ACIN1: variants seen among roughly 807,000 people sequenced by gnomAD.
ACIN1 encodes apoptotic chromatin condensation inducer 1.
Under a neutral mutation model 146.6 loss-of-function variants are expected in ACIN1, and 16 were observed. The ratio of observed to expected loss-of-function variants is 0.11; its 90% CI spans 0.07 to 0.17. ACIN1 has a LOEUF of 0.17. Among genes scored for constraint, ACIN1 ranks in the 10% least tolerant of loss-of-function variants. ACIN1 has a pLI of 1.00. For missense variants in ACIN1, 1,357 were observed against 1,609.3 expected (o/e 0.84, Z 2.68); for synonymous variants, 569 against 582.7 (o/e 0.98, Z 0.34).
intron 16 of ACIN1, among the ~76,000 whole-genome samples, chr14:23,061,955 C>CAG (rs1351155572): frequency 8.5e-6 from 1 of 118,138 alleles, no homozygotes; most frequent in Non-Finnish European, 1.6e-5. Context: ...GCCTGGGAGA[C>CAG]AGCGAGACTC....
At chr14:23,090,235 G>GA (rs1182884241) in intron 3 of ACIN1, 134 bp from the exon 4 acceptor site, 2 of 1,239,376 alleles carry the variant, frequency 1.6e-6, no homozygotes, top group African/African-American at 3.0e-5. Context: ...CGTATAAAAA[G>GA]AAAAAACTCC....
chr14:23,074,913 C>T (rs747613999), intron 8 of ACIN1, among the ~76,000 whole-genome samples: 10 of 152,156 alleles, frequency 6.6e-5, no homozygotes, highest in Middle Eastern at 3.4e-3. Flanking sequence ...GAAAAACTGA[C>T]GTGAAAATTT....
At chr14:23,083,525 G>A (rs1269035412) in intron 4 of ACIN1, among the ~76,000 whole-genome samples, 5 of 152,196 alleles carry the variant, frequency 3.3e-5, no homozygotes, top group African/African-American at 1.2e-4. Context: ...GACGTCAGGA[G>A]ATCGAGACCA....
rs748469639 is a variant in ACIN1, at chr14:23,078,252, C to T, written c.2022G>A (p.Lys674=). 6 of 1,614,012 alleles carry T rather than the reference C, an allele frequency of 3.7e-6. No homozygotes were observed. In the East Asian group the frequency reaches 1.3e-4, roughly 36 times the overall value. The part of the protein sequence containing the change: ...RLQPERGSPK[K]CEAEEAEPPA... ...GTGGCTCTGCCTCTTCAGCTTCACA[C>T]TTCTTTGGGCTCCCCTGTCAGGAGA... The change falls in exon 8 of 19, where the codon AAG becomes AAA. Residue 674 remains lysine, a synonymous_variant. Transcript: ENST00000605057.
Position 23,090,476 on chromosome 14 carries a change from G to A in ACIN1, c.316+46C>T, listed in dbSNP as rs773960284. On this transcript the variant is annotated intron_variant, in intron 3 of 18. Coordinates refer to ENST00000605057, the MANE Select transcript of ACIN1 (RefSeq NM_001386863.1). Reference sequence around the variant, plus strand: ...ACAGGCCTATCTACTTGGTGACAGGGATAAGAATGACGAACTCCTTGTTAA... The same window carrying A: ...ACAGGCCTATCTACTTGGTGACAGGAATAAGAATGACGAACTCCTTGTTAA... 3.1e-5 allele frequency: 48 copies of A among 1,535,664 alleles called. No individual in the cohort carries two copies. In the Admixed American group the frequency reaches 6.6e-4, roughly 21 times the overall value.
rs1416554023 is a variant in ACIN1 at position 23,080,016 on chromosome 14, T to A, written c.1319A>T (p.Glu440Val). Reference protein sequence around the residue: ...AESPAEKVPEESVLPLVQKST... With the variant: ...AESPAEKVPEVSVLPLVQKST... ...TTTCTGAACCAGAGGCAGGACACTCTCCTCTGGCACTTTCTCTGCTGGAGA... is the reference window on the plus strand; with the variant it reads ...TTTCTGAACCAGAGGCAGGACACTCACCTCTGGCACTTTCTCTGCTGGAGA... The change falls in exon 6 of 19, where the codon GAG (glutamate) becomes GTG (valine). Residue 440 changes from glutamate (E) to valine (V), a missense_variant. Coordinates refer to ENST00000605057, the MANE Select transcript of ACIN1 (RefSeq NM_001386863.1). 1 of 1,613,976 alleles carries A rather than the reference T, an allele frequency of 6.2e-7. No homozygotes were observed. The highest frequency in any genetic ancestry group is 8.5e-7 in the Non-Finnish European group (1 of 1,180,038).
rs971838886 is a variant in ACIN1, at chr14:23,068,916, A to T, written c.2265+560T>A. On this transcript the variant is annotated intron_variant, in intron 9 of 18. Coordinates refer to ENST00000605057, the MANE Select transcript of ACIN1 (RefSeq NM_001386863.1). This position sits in a 1 kb window ranked among gnomAD's most constrained non-coding sequence, Gnocchi z 4.3. ...CTGAAGTGGGTGCAGGACACAAGATAACATATGCCAAAAAAGGAGGTAGAG... is the reference window on the plus strand; with the variant it reads ...CTGAAGTGGGTGCAGGACACAAGATTACATATGCCAAAAAAGGAGGTAGAG... 1 of 985,362 alleles carries T rather than the reference A, an allele frequency of 1.0e-6. No individual in the cohort carries two copies. The highest frequency in any genetic ancestry group is 1.7e-5 in the African/African-American group (1 of 57,228). The allele number at this position is 985,362 out of a possible 1,614,324, so 61.0% of individuals were successfully genotyped here. A position where few individuals can be genotyped will look rare whatever the true frequency, so the allele number is the denominator to read the frequency against.
At position 23,067,223 on chromosome 14, in the gene ACIN1, AAAAAT is replaced by A. The variant is rs939156046; in HGVS notation, c.2266-1220_2266-1216del. 2.3e-5 allele frequency: 19 copies of A among 827,920 alleles called. No homozygotes were observed. Among genetic ancestry groups the A allele is most frequent in the Admixed American group, 1.2e-4 (2 of 16,106 alleles). 51.3% of individuals were successfully genotyped at this position (827,920 alleles called of 1,614,324 possible). ...AATCAGAAAAAATAAAGATATAGAA[AAAAAT>A]AAAATAAAATATTAAAAAAAGAAGA... On this transcript the variant is annotated intron_variant, in intron 9 of 18. Coordinates refer to ENST00000605057, the MANE Select transcript of ACIN1 (RefSeq NM_001386863.1). The surrounding 1 kb of genome is among the most constrained non-coding windows in gnomAD (Gnocchi z 4.6).
intron 5 of ACIN1, among the ~76,000 whole-genome samples, chr14:23,081,022 T>C (rs1420413229): frequency 1.3e-5 from 2 of 151,290 alleles, no homozygotes; most frequent in Non-Finnish European, 2.9e-5. Flanking sequence ...ATGAAGCTAC[T>C]TGTATGTAGT....
At chr14:23,064,959 C>T (rs2047405987) in intron 10 of ACIN1, among the ~76,000 whole-genome samples, 1 of 149,620 alleles carries the variant, frequency 6.7e-6, no homozygotes, top group Non-Finnish European at 1.5e-5. Flanking sequence ...TCAGACTGAA[C>T]ACTGATCTAA....
chr14:23,091,903 C>A (rs892671940), intron 2 of ACIN1, among the ~76,000 whole-genome samples: 2 of 152,066 alleles, frequency 1.3e-5, no homozygotes, highest in Admixed American at 1.3e-4. Flanking sequence ...GCATTACAGG[C>A]GTGAGCCACA....
intron 1 of ACIN1, 189 bp downstream of exon 1, chr14:23,094,786 A>C: frequency 8.7e-6 from 8 of 917,608 alleles, no homozygotes; most frequent in Non-Finnish European, 1.3e-5. Context: ...GCTGCCGTTA[A>C]GGCGGGAACC....
At position 23,068,906 on chromosome 14, in the gene ACIN1, G is replaced by C. The variant is rs2047539916; in HGVS notation, c.2265+570C>G. 4.1e-6 allele frequency: 4 copies of C among 985,458 alleles called. No homozygotes were observed. The highest frequency in any genetic ancestry group is 4.8e-6 in the Non-Finnish European group (4 of 829,976). The allele number at this position is 985,458 out of a possible 1,614,324, so 61.0% of individuals were successfully genotyped here. ...GGGAAGCCCCCTGAAGTGGGTGCAG[G>C]ACACAAGATAACATATGCCAAAAAA... On this transcript the variant is annotated intron_variant, in intron 9 of 18. Transcript: ENST00000605057. The surrounding 1 kb of genome is among the most constrained non-coding windows in gnomAD (Gnocchi z 4.3).
intron 8 of ACIN1, chr14:23,071,633 G>A (rs1308124199): frequency 2.8e-6 from 4 of 1,418,620 alleles, no homozygotes; most frequent in Non-Finnish European, 3.8e-6. Context: ...AGAAAAGAGG[G>A]AGGGAGCTGA....
At position 23,078,206 on chromosome 14, in the gene ACIN1, T is replaced by C. The variant is rs372784176; in HGVS notation, c.2068A>G (p.Thr690Ala). The change falls in exon 8 of 19, where the codon ACC becomes GCC. Residue 690 changes from threonine (T) to alanine (A), a missense_variant. Coordinates refer to ENST00000605057, the MANE Select transcript of ACIN1 (RefSeq NM_001386863.1). ...AGATGAGAGGTCTGAGTCTCTGAGG[T>C]TTGGGGCTGTGTGGCAGCTGGTGGC... ...AEPPAATQPQ[T>A]SETQTSHLPE... The C allele has an allele frequency of 5.6e-6, 9 of 1,614,188 alleles. No individual in the cohort carries two copies. Among genetic ancestry groups the C allele is most frequent in the Non-Finnish European group, 7.6e-6 (9 of 1,180,018 alleles).
At chr14:23,093,087 A>G (rs1046168874) in intron 2 of ACIN1, among the ~76,000 whole-genome samples, 4 of 151,990 alleles carry the variant, frequency 2.6e-5, no homozygotes, top group Non-Finnish European at 4.4e-5. Context: ...CATCAACAAG[A>G]GTTCTTAATC....
upstream of ACIN1, chr14:23,095,311 C>T (rs868292930): frequency 7.0e-6 from 11 of 1,565,126 alleles, no homozygotes; most frequent in African/African-American, 9.5e-5. Flanking sequence ...TCTTTCCATC[C>T]GCCCTGCAGC....
chr14:23,076,901 T>C (rs1011497104), intron 8 of ACIN1, among the ~76,000 whole-genome samples: 1 of 152,214 alleles, frequency 6.6e-6, no homozygotes, highest in African/African-American at 2.4e-5. Context: ...GAGTTTTCAC[T>C]TTATGGTCCC....
intron 8 of ACIN1, chr14:23,071,249 A>G (rs78949159): frequency 1.3e-6 from 2 of 1,516,496 alleles, no homozygotes; most frequent in Admixed American, 5.0e-5. Context: ...AAGAAAAAAA[A>G]CCACACCTTC....
Sources: gnomAD v4.1 joint callset for allele counts (sites outside exome capture counted in the v4.1 genomes callset) on GRCh38, gnomAD v4.1.1 for gene constraint, Gnocchi (gnomAD v3.1) non-coding constraint, MANE v1.5 for transcripts, NCBI Gene and HGNC (gene_info 2026-07-23, HGNC 2026-07-21) for gene names.